The following FHIP1B variants were observed in gnomAD, a reference collection of about 807,000 sequenced individuals.
FHIP1B encodes FHF complex subunit HOOK-interacting protein 1B.
In FHIP1B, 28 loss-of-function variants were observed where a neutral mutation model predicts 82.2. The ratio of observed to expected loss-of-function variants is 0.34; its 90% CI spans 0.25 to 0.47. The LOEUF (loss-of-function observed/expected upper bound fraction) is 0.47. FHIP1B is among the 20% of genes least tolerant of loss of function. The pLI is 1.00. For synonymous variants in FHIP1B, 585 were observed against 516.1 expected, an observed-to-expected ratio of 1.13 and a Z score of -1.81; for missense variants, 1,110 against 1,262.6, an observed-to-expected ratio of 0.88 and a Z score of 1.83.
Position 6,222,427 on chromosome 11 carries a change from G to A in FHIP1B, c.1191+15C>T. The A allele has an allele frequency of 6.2e-7, 1 of 1,613,182 alleles. No homozygotes were observed. The highest frequency in any genetic ancestry group is 8.5e-7 in the Non-Finnish European group (1 of 1,179,886). On this transcript the variant is annotated intron_variant, in intron 6 of 11. Coordinates refer to ENST00000449352, the MANE Select transcript of FHIP1B (RefSeq NM_001098794.2). ...GGGTCATCCAGGTAAGCTAGGACAG[G>A]GGTAAGGGCCATACCCGGGAGTTAC...
chr11:6,228,492 A>G (rs1362121597), intron 1 of FHIP1B, among the ~76,000 whole-genome samples: 2 of 152,238 alleles, frequency 1.3e-5, no homozygotes, highest in African/African-American at 4.8e-5. Flanking sequence ...ACAAGTTATA[A>G]ATAAATAAGA....
rs200882851 is a variant in FHIP1B at position 6,224,108 on chromosome 11, A to G, written c.279T>C (p.Pro93=). The stretch of plus-strand genomic sequence containing the variant: ...GCAGAGCAAACTCCAGCAGGGGCCC[A>G]GGGCCTGTGGGGGCCGAGGGAACTG... ...DRAVPSAPTG[P]GPLLEFALHE... Residue 93 remains proline, a synonymous_variant, in exon 3 of 12, where the codon CCT becomes CCC. Transcript: ENST00000449352. 68 of 1,614,056 alleles carry G rather than the reference A, an allele frequency of 4.2e-5. No homozygotes were observed. In the East Asian group the frequency reaches 1.5e-3, roughly 35 times the overall value.
chr11:6,221,957 G>T (rs762672801), intron 6 of FHIP1B, among the ~76,000 whole-genome samples: 4 of 152,154 alleles, frequency 2.6e-5, no homozygotes, highest in African/African-American at 9.7e-5. Context: ...TAGGAGGAAG[G>T]ACCGAAAGTA....
In FHIP1B at chr11:6,223,213, A is replaced by C; in HGVS notation, c.803T>G (p.Leu268Arg). The C allele has an allele frequency of 6.3e-7, 1 of 1,596,318 alleles. No homozygotes were observed. Among genetic ancestry groups the C allele is most frequent in the Non-Finnish European group, 8.5e-7 (1 of 1,175,934 alleles). The change falls in exon 4 of 12, where the codon CTG becomes CGG. Residue 268 changes from leucine (L) to arginine (R), a missense_variant. This residue lies in a region of FHIP1B where 467 missense variants were observed against 602.9 expected (regional missense o/e 0.77). Transcript: ENST00000449352. The surrounding 1 kb of genome is among the most constrained non-coding windows in gnomAD (Gnocchi z 4.8). ...AATCTTTCGAGGCAGTGATGAGTAC[A>C]GGGCACTGAGCCCTGTGGCCAGCAC... ...CPVLATGLSALYSSLPRKIEV... is the reference protein window; with the variant it reads ...CPVLATGLSARYSSLPRKIEV...
chr11:6,231,953 C>T (rs1456629043), intron 1 of FHIP1B, among the ~76,000 whole-genome samples: 1 of 152,196 alleles, frequency 6.6e-6, no homozygotes, highest in Admixed American at 6.5e-5. Context: ...GTGAGCATCA[C>T]AAGCACAGAC....
Sources: gnomAD v4.1 joint callset for allele counts (sites outside exome capture counted in the v4.1 genomes callset) on GRCh38, gnomAD v4.1.1 for gene constraint, gnomAD v4.1.1 regional missense constraint, Gnocchi (gnomAD v3.1) non-coding constraint, MANE v1.5 for transcripts, NCBI Gene and HGNC (gene_info 2026-07-23, HGNC 2026-07-21) for gene names.